The following SCARB2 variants were observed in gnomAD, a reference collection of about 807,000 sequenced individuals.
SCARB2 encodes lysosome membrane protein 2.
SCARB2 carries 29 observed loss-of-function variants against 58.6 expected under a neutral mutation model. The ratio of observed to expected loss-of-function variants is 0.49; its 90% CI spans 0.37 to 0.67. SCARB2 has a LOEUF of 0.67. Ranked by LOEUF, SCARB2 falls within the 30% of genes least tolerant of loss-of-function variation. SCARB2 has a pLI of 0.00. For synonymous variants in SCARB2, 195 were observed against 210.1 expected, an observed-to-expected ratio of 0.93 and a Z score of 0.62; for missense variants, 488 against 578.5, an observed-to-expected ratio of 0.84 and a Z score of 1.60.
At chr4:76,189,833 T>G (rs1188578773) in intron 2 of SCARB2, among the ~76,000 whole-genome samples, 1 of 152,038 alleles carries the variant, frequency 6.6e-6, no homozygotes. Context: ...TAACTCAGTA[T>G]CAAGAGAACA....
chr4:76,227,483 C>G (rs2109983613), intron 1 of SCARB2, among the ~76,000 whole-genome samples: 1 of 152,230 alleles, frequency 6.6e-6, no homozygotes, highest in South Asian at 2.1e-4. Flanking sequence ...GGAGAATGTT[C>G]CATGGGCTGA....
chr4:76,182,908 A>G (rs750097727), intron 2 of SCARB2, among the ~76,000 whole-genome samples: 1 of 151,912 alleles, frequency 6.6e-6, no homozygotes, highest in Admixed American at 6.6e-5. Context: ...ATGTAACTCT[A>G]TCGTCATTGG....
intron 8 of SCARB2, 31 bp downstream of exon 8, chr4:76,169,836 G>T: frequency 6.7e-7 from 1 of 1,494,058 alleles, no homozygotes; most frequent in Non-Finnish European, 9.3e-7. Context: ...TAAAACATAT[G>T]CTCTTTTACC....
intron 5 of SCARB2, 183 bp from the exon 6 acceptor site, chr4:76,176,093 C>T: frequency 1.3e-6 from 1 of 746,150 alleles, no homozygotes; most frequent in Non-Finnish European, 2.1e-6. Flanking sequence ...CCCAAATCAG[C>T]TTTCATAGAG....
chr4:76,221,203 A>G (rs1321846339), intron 1 of SCARB2, among the ~76,000 whole-genome samples: 3 of 152,236 alleles, frequency 2.0e-5, no homozygotes, highest in African/African-American at 7.2e-5. Context: ...CGAATCATAC[A>G]GCCCAGCAGC....
Position 76,161,587 on chromosome 4 carries a change from T to TG in SCARB2, c.*125dup. 9.3e-6 allele frequency: 9 copies of TG among 971,994 alleles called. No individual in the cohort carries two copies. The South Asian group carries it at 1.2e-4, about 13-fold the overall frequency. 60.2% of individuals were successfully genotyped at this position (971,994 alleles called of 1,614,324 possible). A position where few individuals can be genotyped will look rare whatever the true frequency, so the allele number is the denominator to read the frequency against. On this transcript the variant is annotated 3_prime_UTR_variant, in exon 12 of 12. Transcript: ENST00000264896. ...CTCTGGCCAGAATGTTCCTATCACTTGCCAGCGCCGTGTCTTTTTCCTTCT... is the reference window on the plus strand; with the variant it reads ...CTCTGGCCAGAATGTTCCTATCACTTGGCCAGCGCCGTGTCTTTTTCCTTCT...
intron 2 of SCARB2, among the ~76,000 whole-genome samples, chr4:76,182,608 C>T (rs1225504010): frequency 1.3e-5 from 2 of 152,138 alleles, no homozygotes; most frequent in Non-Finnish European, 2.9e-5. Flanking sequence ...GAGGCCTTTC[C>T]CAACCATAGC....
intron 1 of SCARB2, among the ~76,000 whole-genome samples, chr4:76,227,814 TA>T (rs753024400): frequency 6.6e-6 from 1 of 152,260 alleles, no homozygotes; most frequent in Non-Finnish European, 1.5e-5. Context: ...GTTGTTGCTT[TA>T]AAGTCTGTTT....
At chr4:76,176,108 T>A in intron 5 of SCARB2, 198 bp from the exon 6 acceptor site, 1 of 669,086 alleles carries the variant, frequency 1.5e-6, no homozygotes, top group African/African-American at 1.8e-5. Flanking sequence ...ATAGAGGCAA[T>A]GGCCAAATAG....
At chr4:76,225,818 T>G (rs1432693619) in intron 1 of SCARB2, among the ~76,000 whole-genome samples, 1 of 152,236 alleles carries the variant, frequency 6.6e-6, no homozygotes, top group African/African-American at 2.4e-5. Context: ...TTTGTTTCCA[T>G]GTTCATCAGG....
Position 76,179,598 on chromosome 4 carries a change from G to A in SCARB2, c.531C>T (p.Leu177=). 2 of 1,614,056 alleles carry A rather than the reference G, an allele frequency of 1.2e-6. No individual in the cohort carries two copies. The highest frequency in any genetic ancestry group is 2.2e-5 in the East Asian group (1 of 44,884). ...ACAAGATTTCATCTTTGTAGCCCCA[G>A]AGCAATTCGTCAACTGTGTGAGTCA... ...LFVTHTVDEL[L]WGYKDEILSL... The change falls in exon 4 of 12, where the codon CTC becomes CTT. Residue 177 remains leucine, a synonymous_variant. Transcript: ENST00000264896.
At chr4:76,230,164 G>C (rs891844161) in intron 1 of SCARB2, among the ~76,000 whole-genome samples, 3 of 152,150 alleles carry the variant, frequency 2.0e-5, no homozygotes, top group African/African-American at 7.2e-5. Context: ...TGCAGGGTTA[G>C]ACAAGTCTGA....
At chr4:76,195,443 G>A (rs1194659017) in intron 2 of SCARB2, 7 of 484,980 alleles carry the variant, frequency 1.4e-5, no homozygotes, top group Non-Finnish European at 2.2e-5. Flanking sequence ...AACCCTTCAT[G>A]GTTTAATAAT....
chr4:76,225,765 G>A (rs186453585), intron 1 of SCARB2, among the ~76,000 whole-genome samples: 117 of 152,268 alleles, frequency 7.7e-4, no homozygotes, highest in Non-Finnish European at 1.6e-3. Context: ...TTATCTTTTT[G>A]ATATGCTGTT....
chr4:76,199,461 AACTT>A, intron 1 of SCARB2, among the ~76,000 whole-genome samples: 1 of 152,278 alleles, frequency 6.6e-6, no homozygotes, highest in East Asian at 1.9e-4. Context: ...TGATATCTAC[AACTT>A]ACTTCAAATA....
chr4:76,161,803 C>A (rs1252017025), intron 11 of SCARB2, 52 bp from the exon 12 acceptor site: 1 of 1,598,988 alleles, frequency 6.3e-7, no homozygotes, highest in Admixed American at 1.7e-5. Flanking sequence ...AGAAACTTCT[C>A]CCCAGTGTGA....
At chr4:76,177,401 T>C (rs1732272467) in intron 4 of SCARB2, among the ~76,000 whole-genome samples, 1 of 152,128 alleles carries the variant, frequency 6.6e-6, no homozygotes, top group South Asian at 2.1e-4. Context: ...GGAACCTTTA[T>C]ACATTGCTAG....
intron 1 of SCARB2, among the ~76,000 whole-genome samples, chr4:76,198,066 T>C (rs1732751220): frequency 6.6e-6 from 1 of 152,292 alleles, no homozygotes; most frequent in South Asian, 2.1e-4. Context: ...TCTGCTCTGC[T>C]GCAAAGGCCC....
intron 2 of SCARB2, among the ~76,000 whole-genome samples, chr4:76,185,524 C>T (rs1449083730): frequency 6.6e-6 from 1 of 152,102 alleles, no homozygotes; most frequent in Non-Finnish European, 1.5e-5. Flanking sequence ...AGACAAGGTT[C>T]AGTTATGCTC....
Sources: gnomAD v4.1 joint callset for allele counts (sites outside exome capture counted in the v4.1 genomes callset) on GRCh38, gnomAD v4.1.1 for gene constraint, MANE v1.5 for transcripts, NCBI Gene and HGNC (gene_info 2026-07-23, HGNC 2026-07-21) for gene names.